Variants in FAM53A observed in about 807,000 individuals in gnomAD.
FAM53A encodes the protein protein FAM53A.
In FAM53A, 28 loss-of-function variants were observed where a neutral mutation model predicts 26.6. The observed-to-expected ratio is 1.05, with a 90% CI of 0.78 to 1.45. FAM53A has a LOEUF of 1.45. Ranked by LOEUF, FAM53A falls within the 40% of genes most tolerant of loss-of-function variation. The pLI is 0.00. For missense variants in FAM53A, 650 were observed against 575.8 expected, an observed-to-expected ratio of 1.13 and a Z score of -1.32; for synonymous variants, 290 against 253.1, an observed-to-expected ratio of 1.15 and a Z score of -1.38.
rs549392558 is a variant in FAM53A at position 1,633,486 on chromosome 4, A to G, written c.432-15375T>C. On this transcript the variant is annotated intron_variant, in intron 1 of 1. Transcript: ENST00000489029. ...AAATGCTTTTATTACTGAGCAAGAG[A>G]GACTGGAAATAAATGAACAAAATAC... Among the ~76,000 whole-genome samples the G allele has an allele frequency of 3.3e-5, 5 of 152,258 alleles. No individual in the cohort carries two copies. The South Asian group carries it at 8.3e-4, about 25-fold the overall frequency.
At chr4:1,650,299 T>C (rs1712654581) in intron 4 of FAM53A, among the ~76,000 whole-genome samples, 2 of 146,236 alleles carry the variant, frequency 1.4e-5, no homozygotes, top group Non-Finnish European at 1.5e-5. Context: ...ACAGGCGTGG[T>C]GTTTGTGAGG....
chr4:1,654,730 C>G (rs1026356783), intron 4 of FAM53A, among the ~76,000 whole-genome samples: 1 of 152,258 alleles, frequency 6.6e-6, no homozygotes, highest in Non-Finnish European at 1.5e-5. Context: ...CCTGGCCGGC[C>G]ACCCTGGGCC....
chr4:1,620,362 T>C (rs1430753365), intron 1 of FAM53A, among the ~76,000 whole-genome samples: 1 of 152,168 alleles, frequency 6.6e-6, no homozygotes, highest in East Asian at 1.9e-4. Flanking sequence ...ACCTGAGCTC[T>C]GTCTTCTCAC....
intron 2 of FAM53A, 26 bp from the exon 3 acceptor site, chr4:1,657,494 C>T: frequency 6.2e-7 from 1 of 1,604,812 alleles, no homozygotes. Context: ...AGTTTCAATA[C>T]TGTGACTGAC....
chr4:1,643,999 C>A (rs1427674833), intron 4 of FAM53A, among the ~76,000 whole-genome samples: 1 of 152,214 alleles, frequency 6.6e-6, no homozygotes, highest in Non-Finnish European at 1.5e-5. Context: ...CCAGGCCCGG[C>A]ATGAGGATGT....
intron 3 of FAM53A, 94 bp downstream of exon 3, chr4:1,657,314 A>G (rs550368510): frequency 8.5e-7 from 1 of 1,173,768 alleles, no homozygotes; most frequent in African/African-American, 1.6e-5. Context: ...GCTTCTGCAG[A>G]TCCGGCTCAT....
At chr4:1,577,930 C>T in the FAM53A span, among the ~76,000 whole-genome samples, 1 of 48,972 alleles carries the variant, frequency 2.0e-5, no homozygotes, top group Non-Finnish European at 4.1e-5. Context: ...TGAGGGGCTG[C>T]GGGGGTGCAG....
chr4:1,599,975 T>C, the FAM53A span, among the ~76,000 whole-genome samples: 2 of 151,726 alleles, frequency 1.3e-5, no homozygotes, highest in Non-Finnish European at 2.9e-5. The surrounding 1 kb of genome is among the most constrained non-coding windows in gnomAD (Gnocchi z 6.1). Flanking sequence ...CTTCCCCTGA[T>C]GCAGGCCCCA....
chr4:1,636,316 T>C (rs1025942431), downstream of FAM53A, among the ~76,000 whole-genome samples: 7 of 152,184 alleles, frequency 4.6e-5, no homozygotes, highest in African/African-American at 1.4e-4. Context: ...TCAAACCTCA[T>C]GTATCCTTAT....
intron 4 of FAM53A, among the ~76,000 whole-genome samples, chr4:1,651,647 G>A (rs913730107): frequency 2.0e-5 from 3 of 152,030 alleles, no homozygotes; most frequent in Non-Finnish European, 4.4e-5. Context: ...AGAGGAAGGA[G>A]GACTGAATCA....
At chr4:1,590,991 T>TATATATATACACACAC in the FAM53A span, among the ~76,000 whole-genome samples, 4 of 127,854 alleles carry the variant, frequency 3.1e-5, no homozygotes, top group African/African-American at 1.4e-4. Context: ...TATATATATA[T>TATATATATACACACAC]ATATATATAT....
chr4:1,592,881 G>A, the FAM53A span, among the ~76,000 whole-genome samples: 1 of 152,164 alleles, frequency 6.6e-6, no homozygotes, highest in African/African-American at 2.4e-5. Flanking sequence ...GGGCCCCGCA[G>A]GAGGGGCGTC....
chr4:1,658,996 C>T (rs886409339), intron 2 of FAM53A, among the ~76,000 whole-genome samples: 3 of 152,254 alleles, frequency 2.0e-5, no homozygotes, highest in East Asian at 3.8e-4. Context: ...CATGGCATCA[C>T]GTCCTATGAT....
intron 2 of FAM53A, among the ~76,000 whole-genome samples, chr4:1,667,537 C>G (rs1714323883): frequency 6.6e-6 from 1 of 152,110 alleles, no homozygotes; most frequent in South Asian, 2.1e-4. Context: ...AAGGTTCAGG[C>G]CACATGCCAC....
intron 2 of FAM53A, among the ~76,000 whole-genome samples, chr4:1,664,788 A>C (rs1348404538): frequency 6.8e-6 from 1 of 148,052 alleles, no homozygotes; most frequent in Non-Finnish European, 1.5e-5. Flanking sequence ...GACCAGCCTG[A>C]CCAACATGGT....
the FAM53A span, among the ~76,000 whole-genome samples, chr4:1,575,454 GC>G: frequency 6.6e-6 from 1 of 152,190 alleles, no homozygotes; most frequent in African/African-American, 2.4e-5. Flanking sequence ...TCTGGCAGGG[GC>G]CACACCAGGG....
chr4:1,633,102 ACT>A (rs1403075262), intron 1 of FAM53A, among the ~76,000 whole-genome samples: 1 of 152,100 alleles, frequency 6.6e-6, no homozygotes, highest in African/African-American at 2.4e-5. Context: ...ATAGCTTTAC[ACT>A]CATGCTCACA....
chr4:1,655,392 G>A lies in FAM53A; in HGVS notation c.468C>T (p.Gly156=), dbSNP rs1224333518. Residue 156 remains glycine (G), a synonymous_variant, in exon 4 of 5, where the codon GGC becomes GGT. Coordinates refer to ENST00000308132, the MANE Select transcript of FAM53A (RefSeq NM_001174070.3). Reference sequence around the variant, plus strand: ...GGCTTCCCTGCCGCGTGGCACTCCCGCCGCTGTCGCACCGCCTCTTGGAGA... The same window carrying A: ...GGCTTCCCTGCCGCGTGGCACTCCCACCGCTGTCGCACCGCCTCTTGGAGA... ...TPVSKRRCDS[G]GSATRQGSPG... 6 of 1,462,006 alleles carry A rather than the reference G, an allele frequency of 4.1e-6. No individual in the cohort carries two copies. Among genetic ancestry groups the A allele is most frequent in the Non-Finnish European group, 4.5e-6 (5 of 1,107,986 alleles). 90.6% of individuals were successfully genotyped at this position (1,462,006 alleles called of 1,614,324 possible).
chr4:1,596,548 C>T, the FAM53A span, among the ~76,000 whole-genome samples: 8 of 152,162 alleles, frequency 5.3e-5, no homozygotes, highest in Non-Finnish European at 1.0e-4. Context: ...CCGAACCGGA[C>T]ACCACTCATC....
Sources: gnomAD v4.1 joint callset for allele counts (sites outside exome capture counted in the v4.1 genomes callset) on GRCh38, gnomAD v4.1.1 for gene constraint, Gnocchi (gnomAD v3.1) non-coding constraint, MANE v1.5 for transcripts, NCBI Gene and HGNC (gene_info 2026-07-23, HGNC 2026-07-21) for gene names.